Variants in SLC37A1 observed in about 807,000 individuals in gnomAD.
SLC37A1 encodes solute carrier family 37 member 1.
SLC37A1 carries 49 observed loss-of-function variants against 75.3 expected under a neutral mutation model. The ratio of observed to expected loss-of-function variants is 0.65; its 90% CI spans 0.52 to 0.83. SLC37A1 has a LOEUF of 0.83. SLC37A1 is among the 40% of genes least tolerant of loss of function. SLC37A1 has a pLI of 0.00. For missense variants in SLC37A1, 566 were observed against 695.0 expected (o/e 0.81, Z 2.09); for synonymous variants, 268 against 292.1 (o/e 0.92, Z 0.84).
At position 42,545,803 on chromosome 21, in the gene SLC37A1, C is replaced by A. The variant is rs228078; in HGVS notation, c.731-1300C>A. On this transcript the variant is annotated intron_variant, in intron 8 of 19. Coordinates refer to ENST00000352133, the MANE Select transcript of SLC37A1 (RefSeq NM_001320537.2). The surrounding 1 kb of genome is among the most constrained non-coding windows in gnomAD (Gnocchi z 4.0). ...GGACCATTGGGACTGCCCAACATGCCGACCATGTGTCCTTGGTCAGTGGCC... is the reference window on the plus strand; with the variant it reads ...GGACCATTGGGACTGCCCAACATGCAGACCATGTGTCCTTGGTCAGTGGCC... 0.59 allele frequency among the ~76,000 whole-genome samples: 89,097 copies of A among 152,202 alleles called. 26,664 individuals carry two copies. Among genetic ancestry groups the A allele is most frequent in the Admixed American group, 0.7 (10,659 of 15,306 alleles).
intron 10 of SLC37A1, among the ~76,000 whole-genome samples, chr21:42,554,478 C>A (rs934149208): frequency 6.6e-6 from 1 of 152,150 alleles, no homozygotes; most frequent in Non-Finnish European, 1.5e-5. Flanking sequence ...ACAGGCTGAG[C>A]AGGCTCTATT....
At chr21:42,510,487 G>A (rs922037902), upstream of SLC37A1, among the ~76,000 whole-genome samples, 6 of 151,316 alleles carry the variant, frequency 4.0e-5, no homozygotes, top group Non-Finnish European at 7.4e-5. Context: ...ACTACAAACC[G>A]CCAGAAAGCA....
chr21:42,527,971 T>G (rs1454020453), intron 3 of SLC37A1, among the ~76,000 whole-genome samples: 2 of 152,258 alleles, frequency 1.3e-5, no homozygotes, highest in Admixed American at 6.5e-5. Flanking sequence ...GTAGTAGTGA[T>G]TCTGTTGACC....
chr21:42,525,357 CG>C (rs1308412778), intron 2 of SLC37A1, among the ~76,000 whole-genome samples: 1 of 152,200 alleles, frequency 6.6e-6, no homozygotes, highest in African/African-American at 2.4e-5. Flanking sequence ...GCATGTGAAG[CG>C]GGGCAGCCTC....
In SLC37A1 at chr21:42,580,561, A is replaced by T; in HGVS notation, c.*201A>T. 3.3e-6 allele frequency: 2 copies of T among 607,834 alleles called. No homozygotes were observed. The highest frequency in any genetic ancestry group is 2.8e-6 in the Non-Finnish European group (1 of 354,136). 37.7% of individuals were successfully genotyped at this position (607,834 alleles called of 1,614,324 possible). On this transcript the variant is annotated 3_prime_UTR_variant, in exon 20 of 20. Coordinates refer to ENST00000352133, the MANE Select transcript of SLC37A1 (RefSeq NM_001320537.2). ...ACATATTGCTGAACAGCAGTGAGAA[A>T]AGTCTGCAGGAACTGCTGCCTGAGC... is the stretch of plus-strand genomic sequence containing the variant.
intron 2 of SLC37A1, among the ~76,000 whole-genome samples, chr21:42,521,992 T>G (rs1174389822): frequency 2.6e-5 from 4 of 152,188 alleles, no homozygotes; most frequent in African/African-American, 4.8e-5. Flanking sequence ...GGACAGACCC[T>G]TCCTTGCCTC....
At chr21:42,527,219 C>CT (rs1213349280) in intron 3 of SLC37A1, among the ~76,000 whole-genome samples, 1 of 152,116 alleles carries the variant, frequency 6.6e-6, no homozygotes, top group African/African-American at 2.4e-5. Flanking sequence ...ACCTGTTGGG[C>CT]TGGGGGGCTG....
At chr21:42,534,640 G>T in intron 3 of SLC37A1, 58 bp from the exon 4 acceptor site, 1 of 1,571,376 alleles carries the variant, frequency 6.4e-7, no homozygotes, top group Non-Finnish European at 8.7e-7. Flanking sequence ...TGTGCCCCAT[G>T]CTGAGCCTCA....
chr21:42,566,941 T>C, intron 15 of SLC37A1, 44 bp from the exon 16 acceptor site: 1 of 1,584,888 alleles, frequency 6.3e-7, no homozygotes, highest in Non-Finnish European at 8.5e-7. Context: ...TGCGGGGCTC[T>C]CTGGAGGGCA....
At chr21:42,550,728 A>AGGTGG (rs1332132891) in intron 9 of SLC37A1, among the ~76,000 whole-genome samples, 42 of 152,384 alleles carry the variant, frequency 2.8e-4, no homozygotes, top group Admixed American at 5.9e-4. Context: ...AGGATTATTT[A>AGGTGG]CCATGATCAA....
At chr21:42,535,944 T>C (rs228057) in intron 5 of SLC37A1, among the ~76,000 whole-genome samples, 118,922 of 152,206 alleles carry the variant, frequency 0.78, 47,319 homozygotes, top group Admixed American at 0.82. Flanking sequence ...CATCTGTTTA[T>C]ATGCCCCAAA....
At chr21:42,522,813 T>C (rs2054686342) in intron 2 of SLC37A1, among the ~76,000 whole-genome samples, 1 of 152,226 alleles carries the variant, frequency 6.6e-6, no homozygotes, top group Non-Finnish European at 1.5e-5. Context: ...GGTGTCTCCC[T>C]CCACACAAGG....
intron 10 of SLC37A1, among the ~76,000 whole-genome samples, chr21:42,557,608 C>T (rs2055724673): frequency 6.6e-6 from 1 of 152,248 alleles, no homozygotes; most frequent in South Asian, 2.1e-4. Flanking sequence ...TGAAGCCGGG[C>T]TTCCTGGGGC....
intron 18 of SLC37A1, among the ~76,000 whole-genome samples, chr21:42,579,054 A>G (rs2056363816): frequency 6.6e-6 from 1 of 152,256 alleles, no homozygotes; most frequent in South Asian, 2.1e-4. Context: ...TGGAAAATGC[A>G]CTAGTTAAAT....
intron 15 of SLC37A1, among the ~76,000 whole-genome samples, chr21:42,566,574 AC>A (rs139911697): frequency 2.0e-5 from 3 of 151,878 alleles, no homozygotes; most frequent in East Asian, 1.9e-4. Flanking sequence ...ATTTCCTGTG[AC>A]CCCCCCTCAG....
intron 19 of SLC37A1, among the ~76,000 whole-genome samples, chr21:42,580,111 C>T (rs1181406732): frequency 6.6e-6 from 1 of 151,912 alleles, no homozygotes; most frequent in Non-Finnish European, 1.5e-5. Flanking sequence ...CCTCTTTTCC[C>T]TCCCCCCTTG....
intron 12 of SLC37A1, among the ~76,000 whole-genome samples, chr21:42,563,081 G>T (rs79757217): frequency 4.6e-5 from 7 of 152,252 alleles, no homozygotes; most frequent in Non-Finnish European, 4.4e-5. Flanking sequence ...TGCCCCAAGG[G>T]CCAGTGACTG....
intron 2 of SLC37A1, among the ~76,000 whole-genome samples, chr21:42,522,810 C>T (rs774430761): frequency 3.9e-5 from 6 of 152,240 alleles, no homozygotes; most frequent in Non-Finnish European, 7.3e-5. Context: ...TAAGGTGTCT[C>T]CCTCCACACA....
chr21:42,536,484 A>T (rs2146849211), intron 5 of SLC37A1, among the ~76,000 whole-genome samples: 1 of 152,180 alleles, frequency 6.6e-6, no homozygotes, highest in African/African-American at 2.4e-5. Context: ...GTTTTTTTTT[A>T]AAGGCAGTAT....
Sources: allele counts gnomAD v4.1 joint callset (sites outside exome capture counted in the v4.1 genomes callset), GRCh38; gene constraint gnomAD v4.1.1; non-coding constraint Gnocchi (gnomAD v3.1); transcripts MANE v1.5; gene names NCBI Gene and HGNC (gene_info 2026-07-23, HGNC 2026-07-21).